CAP2: variants seen among roughly 807,000 people sequenced by gnomAD.
The protein encoded by CAP2 is cyclase associated actin cytoskeleton regulatory protein 2.
A neutral mutation model predicts 57.7 loss-of-function variants in CAP2; 24 were observed. The observed-to-expected ratio is 0.42, with a 90% CI of 0.30 to 0.58. The LOEUF is 0.58. Among genes scored for constraint, CAP2 ranks in the 20% least tolerant of loss-of-function variants. CAP2 has a pLI of 0.22. For synonymous variants in CAP2, 194 were observed against 207.2 expected (o/e 0.94, Z 0.55); for missense variants, 501 against 590.3 (o/e 0.85, Z 1.57).
At chr6:17,492,326 G>T (rs1761565018) in intron 4 of CAP2, among the ~76,000 whole-genome samples, 1 of 152,174 alleles carries the variant, frequency 6.6e-6, no homozygotes, top group South Asian at 2.1e-4. Context: ...AAGTCTATGG[G>T]CTGGAAGTCA....
At chr6:17,421,499 T>A in intron 1 of CAP2, 56 bp from the exon 2 acceptor site, 2 of 1,602,958 alleles carry the variant, frequency 1.2e-6, no homozygotes, top group Admixed American at 3.3e-5. Context: ...ATGGTGTTGG[T>A]TTACTCATCC....
rs777803474 is a variant in CAP2, at chr6:17,406,398, C to CTTTTTTTTTTTT, written c.-2+12656_-2+12667dup. 4.8e-4 allele frequency among the ~76,000 whole-genome samples: 49 copies of CTTTTTTTTTTTT among 102,466 alleles called. 3 individuals carry two copies. The highest frequency in any genetic ancestry group is 1.6e-3 in the South Asian group (5 of 3,186). The allele number at this position is 102,466 out of a possible 152,430, so 67.2% of individuals were successfully genotyped here. A position where few individuals can be genotyped will look rare whatever the true frequency, so the allele number is the denominator to read the frequency against. ...CTTTTCTGTCAGTAAGCCCAGATTT[C>CTTTTTTTTTTTT]TTTTTTTTTTTTTTTGAGGCAGTCT... On this transcript the variant is annotated intron_variant, in intron 1 of 12. Transcript: ENST00000229922.
At chr6:17,408,906 T>C (rs1759062045) in intron 1 of CAP2, among the ~76,000 whole-genome samples, 1 of 151,334 alleles carries the variant, frequency 6.6e-6, no homozygotes, top group Non-Finnish European at 1.5e-5. Flanking sequence ...CCTGACCTTG[T>C]GATCCGCCAG....
At chr6:17,452,569 A>G (rs1247307440) in intron 3 of CAP2, among the ~76,000 whole-genome samples, 1 of 152,210 alleles carries the variant, frequency 6.6e-6, no homozygotes, top group Non-Finnish European at 1.5e-5. Context: ...ATGTTGGTTT[A>G]ATGCCCCACT....
intron 1 of CAP2, among the ~76,000 whole-genome samples, chr6:17,407,065 C>T (rs1401382990): frequency 6.6e-6 from 1 of 152,152 alleles, no homozygotes; most frequent in Non-Finnish European, 1.5e-5. Context: ...ATTTTGAACA[C>T]AGTTTGGAGA....
Position 17,535,810 on chromosome 6 carries a change from A to T in CAP2, c.637-3459A>T, listed in dbSNP as rs577621497. Among the ~76,000 whole-genome samples the T allele has an allele frequency of 1.3e-5, 2 of 152,296 alleles. 1 individual carries two copies. The highest frequency in any genetic ancestry group is 4.1e-4 in the South Asian group (2 of 4,828). ...TTTCAACACATAGGAAAGAATGTTT[A>T]TTCCCAAATTTGTCTACAGATTGGA... is the stretch of plus-strand genomic sequence containing the variant. On this transcript the variant is annotated intron_variant, in intron 7 of 12. Coordinates refer to ENST00000229922, the MANE Select transcript of CAP2 (RefSeq NM_006366.3).
At chr6:17,467,388 G>A (rs1009163149) in intron 4 of CAP2, among the ~76,000 whole-genome samples, 4 of 152,178 alleles carry the variant, frequency 2.6e-5, no homozygotes, top group African/African-American at 7.2e-5. Context: ...GTACATAGTA[G>A]GCATATGTAT....
chr6:17,517,188 C>A (rs1762290393), intron 7 of CAP2, among the ~76,000 whole-genome samples: 1 of 152,146 alleles, frequency 6.6e-6, no homozygotes, highest in South Asian at 2.1e-4. Flanking sequence ...AATCAGGAGC[C>A]CTTGGCTCTA....
Position 17,512,804 on chromosome 6 carries a change from A to G in CAP2, c.531-1045A>G, listed in dbSNP as rs569827511. ...TGAATAATTGTGACTTCAGTTCCCA[A>G]TTTCACTCCTTCTAAATGGCATGCC... On this transcript the variant is annotated intron_variant, in intron 6 of 12. Transcript: ENST00000229922. 1.7e-4 allele frequency among the ~76,000 whole-genome samples: 26 copies of G among 152,320 alleles called. No individual in the cohort carries two copies. The South Asian group carries it at 5.0e-3, about 29-fold the overall frequency.
chr6:17,464,365 C>T (rs1760806712), intron 4 of CAP2, among the ~76,000 whole-genome samples: 1 of 152,220 alleles, frequency 6.6e-6, no homozygotes, highest in East Asian at 1.9e-4. Flanking sequence ...GAAACAAACT[C>T]CTGAAATTGA....
intron 4 of CAP2, among the ~76,000 whole-genome samples, chr6:17,495,282 A>G (rs1318172596): frequency 1.3e-5 from 2 of 152,186 alleles, no homozygotes; most frequent in African/African-American, 4.8e-5. Flanking sequence ...TGGCACATAA[A>G]AGTCACCAGT....
At chr6:17,440,053 G>T (rs1760027048) in intron 3 of CAP2, among the ~76,000 whole-genome samples, 1 of 151,560 alleles carries the variant, frequency 6.6e-6, no homozygotes, top group Non-Finnish European at 1.5e-5. Context: ...TCTGTTTCCA[G>T]AAGAAAAATG....
intron 6 of CAP2, among the ~76,000 whole-genome samples, chr6:17,511,543 C>G (rs1230600352): frequency 6.6e-6 from 1 of 152,142 alleles, no homozygotes; most frequent in African/African-American, 2.4e-5. Flanking sequence ...TCTCTGCCTC[C>G]CGGGTTCAAG....
At position 17,439,145 on chromosome 6, in the gene CAP2, GA is replaced by G. The variant is rs553091274; in HGVS notation, c.222+12463del. On this transcript the variant is annotated intron_variant, in intron 3 of 12. Transcript: ENST00000229922. ...AAGAGAGAGAGAAAAAAGAGAGAGA[GA>G]AAAAAAAGGCTTTTTCTTCTAACAC... Among the ~76,000 whole-genome samples the G allele has an allele frequency of 1.6e-3, 239 of 149,214 alleles. 12 individuals are homozygous for G. Among genetic ancestry groups the G allele is most frequent in the African/African-American group, 4.9e-3 (196 of 40,180 alleles).
intron 7 of CAP2, among the ~76,000 whole-genome samples, chr6:17,529,496 C>T (rs1468350346): frequency 6.6e-6 from 1 of 151,890 alleles, no homozygotes; most frequent in Non-Finnish European, 1.5e-5. Flanking sequence ...AAAAAACTAG[C>T]CGGGCATGGT....
intron 9 of CAP2, 109 bp downstream of exon 9, chr6:17,541,257 T>G: frequency 1.3e-6 from 1 of 770,308 alleles, no homozygotes; most frequent in South Asian, 2.0e-5. Flanking sequence ...ATTTTTGTAT[T>G]GGTACATAAC....
At chr6:17,533,153 G>A (rs1762690648) in intron 7 of CAP2, among the ~76,000 whole-genome samples, 1 of 149,548 alleles carries the variant, frequency 6.7e-6, no homozygotes, top group South Asian at 2.1e-4. Flanking sequence ...AAAGCGATTA[G>A]TATTTCAAGA....
chr6:17,492,873 T>G (rs753015044), intron 4 of CAP2, among the ~76,000 whole-genome samples: 10 of 152,190 alleles, frequency 6.6e-5, no homozygotes, highest in Admixed American at 2.6e-4. Context: ...TTTTCCCCAC[T>G]TATGTATCGC....
At chr6:17,470,839 A>G (rs1760998721) in intron 4 of CAP2, among the ~76,000 whole-genome samples, 1 of 152,234 alleles carries the variant, frequency 6.6e-6, no homozygotes, top group Non-Finnish European at 1.5e-5. Flanking sequence ...CCAAAAACTC[A>G]TAGGGATTTT....
Sources: allele counts gnomAD v4.1 joint callset (sites outside exome capture counted in the v4.1 genomes callset), GRCh38; gene constraint gnomAD v4.1.1; transcripts MANE v1.5; gene names NCBI Gene and HGNC (gene_info 2026-07-23, HGNC 2026-07-21).